The following CYP51A1 variants were observed in gnomAD, a reference collection of about 807,000 sequenced individuals.
CYP51A1 encodes the protein lanosterol 14-alpha demethylase.
A neutral mutation model predicts 53.5 loss-of-function variants in CYP51A1; 45 were observed. The ratio of observed to expected loss-of-function variants is 0.84; its 90% CI spans 0.66 to 1.08. CYP51A1 has a LOEUF of 1.08. Among genes scored for constraint, CYP51A1 ranks in the 50% least tolerant of loss-of-function variants. CYP51A1 has a pLI of 0.00. For missense variants in CYP51A1, 462 were observed against 621.7 expected (o/e 0.74, Z 2.73); for synonymous variants, 181 against 217.7 (o/e 0.83, Z 1.48).
At position 92,134,214 on chromosome 7, in the gene CYP51A1, G is replaced by T. The variant is rs772128272; in HGVS notation, c.151C>A (p.Arg51Ser). The change falls in exon 1 of 10, where the codon CGT (arginine) becomes AGT (serine). Residue 51 changes from arginine (R) to serine (S), a missense_variant. Physicochemically the swap from Arg to Ser is moderately radical, Grantham distance 110 (BLOSUM62 -1). Coordinates refer to ENST00000003100, the MANE Select transcript of CYP51A1 (RefSeq NM_000786.4). The part of the protein sequence containing the change: ...AFTLSLVYLI[R>S]LAAGHLVQLP... ...TGGACCAGGTGGCCGGCGGCCAGAC[G>T]GATCAGGTAGACCAGGCTGAGGGTG... The T allele has an allele frequency of 6.2e-7, 1 of 1,613,058 alleles. No individual in the cohort carries two copies. Among genetic ancestry groups the T allele is most frequent in the Non-Finnish European group, 8.5e-7 (1 of 1,179,754 alleles).
intron 7 of CYP51A1, 139 bp from the exon 8 acceptor site, chr7:92,118,754 G>T (rs1375413823): frequency 1.7e-6 from 1 of 603,818 alleles, no homozygotes; most frequent in Non-Finnish European, 3.0e-6. Context: ...GGGTGGCTGG[G>T]GTTATCATGC....
chr7:92,117,191 G>A lies in CYP51A1; in HGVS notation c.1204C>T (p.Pro402Ser), dbSNP rs1819596189. 1 of 1,613,784 alleles carries A rather than the reference G, an allele frequency of 6.2e-7. No individual in the cohort carries two copies. Among genetic ancestry groups the A allele is most frequent in the Non-Finnish European group, 8.5e-7 (1 of 1,179,868 alleles). The change falls in exon 9 of 10, where the codon CCT becomes TCT. Residue 402 changes from proline to serine, a missense_variant. Transcript: ENST00000003100. ...GAAACACACACCTGATGTCCTGGAG[G>A]AATGGTATACCCTGCCACAGTCTAT... ...TPQTVAGYTIPPGHQVCVSPT... is the reference protein window; with the variant it reads ...TPQTVAGYTISPGHQVCVSPT...
At chr7:92,126,560 A>C (rs1819805478) in intron 4 of CYP51A1, 133 bp from the exon 5 acceptor site, 1 of 715,954 alleles carries the variant, frequency 1.4e-6, no homozygotes, top group Non-Finnish European at 2.2e-6. Context: ...CAGACATGTG[A>C]CTATGTACAA....
chr7:92,121,444 T>C (rs1294295242), intron 7 of CYP51A1, among the ~76,000 whole-genome samples: 2 of 152,128 alleles, frequency 1.3e-5, no homozygotes, highest in African/African-American at 4.8e-5. Context: ...AAAGTTACCT[T>C]ATAACCCAGC....
chr7:92,129,173 T>C (rs1819870106), intron 2 of CYP51A1, 117 bp from the exon 3 acceptor site: 1 of 590,704 alleles, frequency 1.7e-6, no homozygotes, highest in African/African-American at 1.9e-5. Context: ...ATATAAACCT[T>C]AAAGCAATTC....
chr7:92,133,039 T>C (rs1392137782), intron 1 of CYP51A1, among the ~76,000 whole-genome samples: 4 of 152,194 alleles, frequency 2.6e-5, no homozygotes, highest in Non-Finnish European at 5.9e-5. Flanking sequence ...AGATCCCATG[T>C]GTAGGAAAAA....
At chr7:92,118,688 T>A in intron 7 of CYP51A1, 73 bp from the exon 8 acceptor site, 1 of 857,598 alleles carries the variant, frequency 1.2e-6, no homozygotes, top group East Asian at 2.5e-5. Context: ...GTTTAACTTC[T>A]TAGTTAGTAC....
intron 8 of CYP51A1, 40 bp downstream of exon 8, chr7:92,118,480 A>G: frequency 9.4e-7 from 1 of 1,068,140 alleles, no homozygotes; most frequent in Non-Finnish European, 1.5e-6. Flanking sequence ...TTTGATAAAA[A>G]CTGGGGGTAT....
chr7:92,128,463 CGT>C (rs201367686), intron 3 of CYP51A1, among the ~76,000 whole-genome samples: 1,727 of 115,874 alleles, frequency 0.015, 15 homozygotes, highest in Non-Finnish European at 0.019. Context: ...TGTGCGCGTG[CGT>C]GTGTGTGTGT....
chr7:92,134,150 C>CAG, intron 1 of CYP51A1, 23 bp downstream of exon 1: 1 of 1,609,152 alleles, frequency 6.2e-7, no homozygotes, highest in Non-Finnish European at 8.5e-7. Flanking sequence ...GCGCCCCACT[C>CAG]AGACCCTAAA....
At chr7:92,119,727 A>T (rs1440916669) in intron 7 of CYP51A1, among the ~76,000 whole-genome samples, 1 of 152,200 alleles carries the variant, frequency 6.6e-6, no homozygotes, top group East Asian at 1.9e-4. Context: ...AAAACACACC[A>T]AAACAGGAAA....
upstream of CYP51A1, chr7:92,134,619 C>A: frequency 2.2e-6 from 1 of 462,416 alleles, no homozygotes; most frequent in East Asian, 3.6e-5. Context: ...CCTGAGGAAG[C>A]GGGCTGCGCC....
In CYP51A1 at chr7:92,127,559, T is replaced by C. The variant is rs1819825456; in HGVS notation, c.541A>G (p.Ile181Val). 1.2e-6 allele frequency: 2 copies of C among 1,611,660 alleles called. No individual in the cohort carries two copies. Among genetic ancestry groups the C allele is most frequent in the South Asian group, 1.1e-5 (1 of 90,560 alleles). The change falls in exon 4 of 10, where the codon ATT becomes GTT. Residue 181 changes from isoleucine (I) to valine (V), a missense_variant. Transcript: ENST00000003100. The part of the protein sequence containing the change: ...IAHFKQHVSI[I>V]EKETKEYFES... ...AAGTATTCCTTTGTTTCTTTTTCAA[T>C]TATAGAAACATGCTGTTTAAAGTGG...
chr7:92,122,917 C>G (rs1214319476), intron 7 of CYP51A1, among the ~76,000 whole-genome samples: 1 of 152,030 alleles, frequency 6.6e-6, no homozygotes, highest in Non-Finnish European at 1.5e-5. Context: ...AGCCATCAAC[C>G]CAAAACATAT....
chr7:92,119,971 A>AT (rs1478419800), intron 7 of CYP51A1, among the ~76,000 whole-genome samples: 1 of 152,190 alleles, frequency 6.6e-6, no homozygotes, highest in Non-Finnish European at 1.5e-5. Context: ...GAAATGAAAA[A>AT]TTCACCCGAG....
intron 3 of CYP51A1, among the ~76,000 whole-genome samples, chr7:92,127,941 G>C (rs890361320): frequency 2.6e-5 from 4 of 152,160 alleles, no homozygotes; most frequent in Non-Finnish European, 4.4e-5. Context: ...TGCTATACTA[G>C]GGTACTGGCT....
chr7:92,132,450 A>AT (rs1235058706), intron 1 of CYP51A1, among the ~76,000 whole-genome samples: 2 of 152,028 alleles, frequency 1.3e-5, no homozygotes, highest in Admixed American at 1.3e-4. Flanking sequence ...TATTTGTATT[A>AT]TTTTTTATTG....
intron 3 of CYP51A1, among the ~76,000 whole-genome samples, chr7:92,128,147 T>A (rs1349027618): frequency 2.6e-5 from 4 of 152,200 alleles, no homozygotes; most frequent in African/African-American, 9.7e-5. Context: ...AGCGCTTATG[T>A]TAGAATTTCA....
chr7:92,122,288 C>T (rs1371551543), intron 7 of CYP51A1, among the ~76,000 whole-genome samples: 2 of 113,968 alleles, frequency 1.8e-5, no homozygotes, highest in South Asian at 2.8e-4. Flanking sequence ...AGGATTAACA[C>T]CAATCATCCA....
Sources: gnomAD v4.1 joint callset for allele counts (sites outside exome capture counted in the v4.1 genomes callset) on GRCh38, gnomAD v4.1.1 for gene constraint, MANE v1.5 for transcripts, NCBI Gene and HGNC (gene_info 2026-07-23, HGNC 2026-07-21) for gene names.